FBXO4: variants seen among roughly 807,000 people sequenced by gnomAD.
The protein encoded by FBXO4 is F-box only protein 4.
A neutral mutation model predicts 43.7 loss-of-function variants in FBXO4; 36 were observed. The observed-to-expected ratio is 0.82, with a 90% confidence interval of 0.63 to 1.09. The LOEUF (loss-of-function observed/expected upper bound fraction) is 1.09. Among genes scored for constraint, FBXO4 ranks in the 50% least tolerant of loss-of-function variants. The pLI is 0.00. For missense variants in FBXO4, 435 were observed against 474.1 expected, an observed-to-expected ratio of 0.92 and a Z score of 0.77; for synonymous variants, 180 against 165.6, an observed-to-expected ratio of 1.09 and a Z score of -0.67.
At chr5:41,977,895 G>A in the FBXO4 span, among the ~76,000 whole-genome samples, 2 of 152,056 alleles carry the variant, frequency 1.3e-5, no homozygotes, top group Middle Eastern at 3.4e-3. Flanking sequence ...ACATTTTCTG[G>A]TATCTTTATA....
chr5:42,033,173 G>A, the FBXO4 span, among the ~76,000 whole-genome samples: 5 of 152,234 alleles, frequency 3.3e-5, no homozygotes, highest in Admixed American at 1.3e-4. Flanking sequence ...GAGCTGTGCA[G>A]CCTGGGGTTG....
intron 5 of FBXO4, among the ~76,000 whole-genome samples, chr5:41,936,519 C>T (rs1013844876): frequency 3.3e-5 from 5 of 152,056 alleles, no homozygotes; most frequent in Middle Eastern, 3.4e-3. Flanking sequence ...GGTGACAGAG[C>T]GAGACCCTGT....
the FBXO4 span, among the ~76,000 whole-genome samples, chr5:41,979,121 C>T: frequency 3.3e-5 from 5 of 152,198 alleles, no homozygotes; most frequent in Non-Finnish European, 5.9e-5. Context: ...CTGGATTTTG[C>T]CTCTATGTCT....
chr5:41,985,175 A>T, the FBXO4 span, among the ~76,000 whole-genome samples: 1 of 152,202 alleles, frequency 6.6e-6, no homozygotes, highest in East Asian at 1.9e-4. Flanking sequence ...GTATACCATT[A>T]TCCTACTAAA....
At chr5:41,999,999 G>T in the FBXO4 span, among the ~76,000 whole-genome samples, 13 of 151,952 alleles carry the variant, frequency 8.6e-5, no homozygotes, top group African/African-American at 2.9e-4. Context: ...CCAGGCCCTA[G>T]CAACCATCAT....
chr5:42,012,522 T>G, the FBXO4 span, among the ~76,000 whole-genome samples: 1 of 152,160 alleles, frequency 6.6e-6, no homozygotes, highest in African/African-American at 2.4e-5. Flanking sequence ...TAGATTTTGT[T>G]GGCAATAATA....
At chr5:41,972,269 G>T in the FBXO4 span, among the ~76,000 whole-genome samples, 1 of 152,182 alleles carries the variant, frequency 6.6e-6, no homozygotes, top group East Asian at 1.9e-4. Context: ...AAAAATCAAT[G>T]TATAAAAATT....
chr5:41,930,012 A>C (rs1404682032), intron 3 of FBXO4, 95 bp downstream of exon 3: 1 of 1,046,314 alleles, frequency 9.6e-7, no homozygotes, highest in Non-Finnish European at 1.4e-6. Context: ...ATTATTTGCT[A>C]TAATGAAGTA....
the FBXO4 span, among the ~76,000 whole-genome samples, chr5:42,016,861 C>T: frequency 6.6e-6 from 1 of 151,924 alleles, no homozygotes; most frequent in Non-Finnish European, 1.5e-5. Flanking sequence ...AGTGGGCAAA[C>T]TTTGTTTTTT....
chr5:42,018,774 A>G, the FBXO4 span, among the ~76,000 whole-genome samples: 11 of 152,284 alleles, frequency 7.2e-5, no homozygotes, highest in East Asian at 5.8e-4. Flanking sequence ...TCTTTCATCA[A>G]TATTTTGTAC....
chr5:42,039,925 G>T, the FBXO4 span, among the ~76,000 whole-genome samples: 1 of 152,076 alleles, frequency 6.6e-6, no homozygotes, highest in Non-Finnish European at 1.5e-5. Flanking sequence ...GAAGCATCCT[G>T]CCCTGAGTTC....
the FBXO4 span, among the ~76,000 whole-genome samples, chr5:42,030,913 A>G: frequency 6.6e-6 from 1 of 152,216 alleles, no homozygotes; most frequent in Non-Finnish European, 1.5e-5. Context: ...ATGAGATACC[A>G]TCTCACACCA....
At chr5:41,950,542 T>C in the FBXO4 span, among the ~76,000 whole-genome samples, 1 of 152,146 alleles carries the variant, frequency 6.6e-6, no homozygotes, top group African/African-American at 2.4e-5. Flanking sequence ...AGAACAGCAA[T>C]CATTACAGAG....
chr5:42,032,297 G>T, the FBXO4 span, among the ~76,000 whole-genome samples: 1 of 152,112 alleles, frequency 6.6e-6, no homozygotes, highest in Non-Finnish European at 1.5e-5. Flanking sequence ...AGCCAGGAAG[G>T]CCTATGTCCT....
At chr5:42,000,894 G>A in the FBXO4 span, among the ~76,000 whole-genome samples, 1 of 152,044 alleles carries the variant, frequency 6.6e-6, no homozygotes, top group Non-Finnish European at 1.5e-5. Context: ...GTAAATGTGT[G>A]TTCTTATTTC....
chr5:42,016,962 G>A, the FBXO4 span, among the ~76,000 whole-genome samples: 1 of 152,014 alleles, frequency 6.6e-6, no homozygotes, highest in Non-Finnish European at 1.5e-5. Flanking sequence ...TATTCTAACT[G>A]TTAAAGCAGG....
the FBXO4 span, among the ~76,000 whole-genome samples, chr5:41,979,454 C>T: frequency 4.6e-5 from 7 of 152,078 alleles, no homozygotes; most frequent in Non-Finnish European, 1.0e-4. Context: ...AAAACTATAC[C>T]CCCTCATTAA....
At chr5:41,926,877 T>A (rs1751520877) in intron 1 of FBXO4, 136 bp from the exon 2 acceptor site, 2 of 530,282 alleles carry the variant, frequency 3.8e-6, no homozygotes, top group African/African-American at 3.8e-5. Context: ...ATAGATTTAA[T>A]TATTAATGGT....
downstream of FBXO4, among the ~76,000 whole-genome samples, chr5:41,943,090 G>C (rs562631030): frequency 6.6e-5 from 10 of 152,076 alleles, no homozygotes; most frequent in South Asian, 2.1e-3. Context: ...AAGAAATTGA[G>C]ACCCAGAGAA....
Sources: allele counts gnomAD v4.1 joint callset (sites outside exome capture counted in the v4.1 genomes callset), GRCh38; gene constraint gnomAD v4.1.1; transcripts MANE v1.5; gene names NCBI Gene and HGNC (gene_info 2026-07-23, HGNC 2026-07-21).